Variants in ERBB4 observed in about 807,000 individuals in gnomAD.
The protein encoded by ERBB4 is receptor tyrosine-protein kinase erbB-4.
Under a neutral mutation model 158.0 loss-of-function variants are expected in ERBB4, and 42 were observed. The ratio of observed to expected loss-of-function variants is 0.27; its 90% confidence interval spans 0.21 to 0.34. ERBB4 has a LOEUF of 0.34. Among genes scored for constraint, ERBB4 ranks in the 10% least tolerant of loss-of-function variants. The pLI, the probability that ERBB4 is intolerant of heterozygous loss-of-function variation, is 1.00. For synonymous variants in ERBB4, 583 were observed against 558.7 expected (o/e 1.04, Z -0.61); for missense variants, 1,333 against 1,624.1 (o/e 0.82, Z 3.08).
chr2:211,431,132 A>G (rs1281031961), intron 20 of ERBB4, 32 bp from the exon 21 acceptor site: 5 of 1,599,884 alleles, frequency 3.1e-6, no homozygotes, highest in Non-Finnish European at 4.3e-6. Flanking sequence ...AATGATATTC[A>G]GTTAATGCCC....
intron 1 of ERBB4, among the ~76,000 whole-genome samples, chr2:212,416,388 C>T (rs765375965): frequency 7.2e-5 from 11 of 152,036 alleles, no homozygotes; most frequent in Non-Finnish European, 1.5e-4. Context: ...AGTTCTGGCT[C>T]ACACCCACTG....
At chr2:212,274,855 G>A (rs991599190) in intron 1 of ERBB4, among the ~76,000 whole-genome samples, 1 of 151,650 alleles carries the variant, frequency 6.6e-6, no homozygotes, top group African/African-American at 2.4e-5. Context: ...CACGTGTCAT[G>A]GTGGTTTGCT....
intron 2 of ERBB4, among the ~76,000 whole-genome samples, chr2:212,017,432 A>T (rs140016047): frequency 6.6e-6 from 1 of 152,122 alleles, no homozygotes; most frequent in African/African-American, 2.4e-5. Flanking sequence ...AAGTATGAAA[A>T]GATTGAGAAG....
intron 20 of ERBB4, among the ~76,000 whole-genome samples, chr2:211,545,355 T>C (rs62180210): frequency 1.0e-3 from 158 of 152,122 alleles, no homozygotes; most frequent in Non-Finnish European, 1.8e-3. Flanking sequence ...CCCATCCATA[T>C]TGGCTAGATT....
intron 2 of ERBB4, among the ~76,000 whole-genome samples, chr2:212,077,896 G>A (rs1172636024): frequency 6.6e-6 from 1 of 151,884 alleles, no homozygotes; most frequent in Non-Finnish European, 1.5e-5. Context: ...TATCTTTTCT[G>A]TCTTAGAACA....
chr2:212,357,943 T>C (rs956507609), intron 1 of ERBB4, among the ~76,000 whole-genome samples: 1 of 151,914 alleles, frequency 6.6e-6, no homozygotes, highest in Non-Finnish European at 1.5e-5. Context: ...GAATCATCTT[T>C]AGATTACTTT....
chr2:212,283,264 G>T (rs1559920139), intron 1 of ERBB4, among the ~76,000 whole-genome samples: 1 of 151,974 alleles, frequency 6.6e-6, no homozygotes, highest in East Asian at 2.0e-4. Flanking sequence ...TATAACACTT[G>T]CCATTTAAAA....
chr2:211,946,921 G>T lies in ERBB4; in HGVS notation c.421+509C>A, dbSNP rs1575419094. ...ACTCTGATGATCTGATGTTATTGAAGTATTCTGAGAAAGAATTGCTGATGG... is the reference window on the plus strand; with the variant it reads ...ACTCTGATGATCTGATGTTATTGAATTATTCTGAGAAAGAATTGCTGATGG... On this transcript the variant is annotated intron_variant, in intron 3 of 27. Transcript: ENST00000342788. Among the ~76,000 whole-genome samples the T allele has an allele frequency of 1.3e-5, 2 of 152,112 alleles. 1 individual carries two copies. The highest frequency in any genetic ancestry group is 4.2e-4 in the South Asian group (2 of 4,818).
At chr2:211,606,787 T>C (rs116796154) in intron 19 of ERBB4, among the ~76,000 whole-genome samples, 3,206 of 152,280 alleles carry the variant, frequency 0.021, 98 homozygotes, top group African/African-American at 0.073. Flanking sequence ...CGTAAGAGTA[T>C]AGTAGCACAT....
At chr2:211,536,832 A>G (rs941699047) in intron 20 of ERBB4, among the ~76,000 whole-genome samples, 2 of 151,926 alleles carry the variant, frequency 1.3e-5, no homozygotes, top group African/African-American at 2.4e-5. Context: ...CTTTAACTGG[A>G]GCTCTTTGGC....
chr2:212,054,962 T>A (rs1044716409), intron 2 of ERBB4, among the ~76,000 whole-genome samples: 2 of 151,908 alleles, frequency 1.3e-5, no homozygotes, highest in Admixed American at 6.6e-5. Flanking sequence ...GGCAGGACAG[T>A]GGGTGCAGCC....
At chr2:212,510,996 A>C (rs2106278296) in intron 1 of ERBB4, among the ~76,000 whole-genome samples, 1 of 152,244 alleles carries the variant, frequency 6.6e-6, no homozygotes, top group South Asian at 2.1e-4. Flanking sequence ...TGACCCCAAA[A>C]ATGGAATGCA....
At chr2:212,171,799 G>A (rs957880357) in intron 1 of ERBB4, among the ~76,000 whole-genome samples, 4 of 152,124 alleles carry the variant, frequency 2.6e-5, no homozygotes, top group African/African-American at 9.7e-5. Context: ...GAGGAACTGT[G>A]GGTCAATTAA....
intron 19 of ERBB4, among the ~76,000 whole-genome samples, chr2:211,607,904 C>CT (rs2069048423): frequency 8.1e-6 from 1 of 123,560 alleles, no homozygotes; most frequent in Non-Finnish European, 1.6e-5. Context: ...GGGTCTCACT[C>CT]TGTCTCCCAG....
At chr2:212,514,048 CA>C (rs963431210) in intron 1 of ERBB4, among the ~76,000 whole-genome samples, 1 of 151,814 alleles carries the variant, frequency 6.6e-6, no homozygotes, top group Non-Finnish European at 1.5e-5. Context: ...CAAAACAAAA[CA>C]AAAAAACACT....
At chr2:211,823,542 T>C (rs2077037610) in intron 3 of ERBB4, among the ~76,000 whole-genome samples, 1 of 152,054 alleles carries the variant, frequency 6.6e-6, no homozygotes, top group South Asian at 2.1e-4. Flanking sequence ...AACTCATTCC[T>C]AGCAGAATTC....
intron 2 of ERBB4, among the ~76,000 whole-genome samples, chr2:212,076,133 T>C (rs546929299): frequency 6.6e-6 from 1 of 152,014 alleles, no homozygotes; most frequent in Admixed American, 6.6e-5. Context: ...ATCTATTATG[T>C]AATTTAATTT....
At chr2:212,518,828 C>T (rs1010892883) in intron 1 of ERBB4, among the ~76,000 whole-genome samples, 2 of 151,954 alleles carry the variant, frequency 1.3e-5, no homozygotes, top group African/African-American at 2.4e-5. Flanking sequence ...TCTGGACAAA[C>T]AGTGATTCCA....
At chr2:212,102,166 CTT>C (rs2079105851) in intron 2 of ERBB4, among the ~76,000 whole-genome samples, 1 of 141,682 alleles carries the variant, frequency 7.1e-6, no homozygotes, top group Non-Finnish European at 1.5e-5. Flanking sequence ...AAAAATGTAT[CTT>C]TTTTCTTTAC....
Sources: gnomAD v4.1 joint callset for allele counts (sites outside exome capture counted in the v4.1 genomes callset) on GRCh38, gnomAD v4.1.1 for gene constraint, MANE v1.5 for transcripts, NCBI Gene and HGNC (gene_info 2026-07-23, HGNC 2026-07-21) for gene names.